RNF128: variants seen among roughly 807,000 people sequenced by gnomAD.
The protein encoded by RNF128 is ring finger protein 128.
A neutral mutation model predicts 26.2 loss-of-function variants in RNF128; 13 were observed. The observed-to-expected ratio is 0.50, with a 90% CI of 0.32 to 0.79. The LOEUF is 0.79. RNF128 is among the 30% of genes least tolerant of loss of function. The probability of loss-of-function intolerance (pLI) is 0.03; values close to 1 mark genes in which losing one functional copy is unlikely to be tolerated. For synonymous variants in RNF128, 149 were observed against 142.5 expected, an observed-to-expected ratio of 1.05 and a Z score of -0.32; for missense variants, 315 against 349.7, an observed-to-expected ratio of 0.90 and a Z score of 0.79.
intron 1 of RNF128, among the ~76,000 whole-genome samples, chrX:106,754,068 A>G (rs1929948964): frequency 1.8e-5 from 2 of 112,006 alleles, no homozygotes; most frequent in Non-Finnish European, 3.8e-5. Context: ...ACAAAGAAAT[A>G]TCACACTTAA....
intron 1 of RNF128, among the ~76,000 whole-genome samples, chrX:106,765,868 A>AC (rs1930218531): frequency 2.3e-4 from 6 of 26,406 alleles, no homozygotes; most frequent in Non-Finnish European, 4.5e-4. Context: ...TATCCCCCCC[A>AC]GCCCCCCACC....
At chrX:106,710,621 G>A (rs1929108712) in intron 1 of RNF128, among the ~76,000 whole-genome samples, 1 of 109,119 alleles carries the variant, frequency 9.2e-6, no homozygotes, top group Non-Finnish European at 1.9e-5. Context: ...GCAGGGCATG[G>A]TGGCAGGCGC....
chrX:106,706,656 C>A, intron 1 of RNF128, among the ~76,000 whole-genome samples: 1 of 111,833 alleles, frequency 8.9e-6, no homozygotes, highest in Non-Finnish European at 1.9e-5. Context: ...GAATTTCAGT[C>A]TTCTTATCTC....
intron 1 of RNF128, among the ~76,000 whole-genome samples, chrX:106,704,409 G>A (rs1439113905): frequency 2.0e-5 from 2 of 97,716 alleles, no homozygotes; most frequent in African/African-American, 7.6e-5. Context: ...TCCAGCCTGG[G>A]CGACAGAGCG....
intron 1 of RNF128, among the ~76,000 whole-genome samples, chrX:106,734,616 G>A (rs1171045873): frequency 9.0e-6 from 1 of 111,188 alleles, no homozygotes; most frequent in Non-Finnish European, 1.9e-5. Flanking sequence ...AAGTTCTATC[G>A]AAGTATAATA....
At chrX:106,706,517 A>G (rs1398740500) in intron 1 of RNF128, among the ~76,000 whole-genome samples, 2 of 112,032 alleles carry the variant, frequency 1.8e-5, no homozygotes, top group Non-Finnish European at 3.8e-5. Flanking sequence ...CATGGCTTCT[A>G]CCAGAAGCAG....
At chrX:106,726,429 G>A (rs1400940462), upstream of RNF128, among the ~76,000 whole-genome samples, 14 of 111,623 alleles carry the variant, frequency 1.3e-4, no homozygotes, top group African/African-American at 4.6e-4. Flanking sequence ...ATGTTAGGAG[G>A]GAAAAATGTA....
intron 6 of RNF128, among the ~76,000 whole-genome samples, chrX:106,794,053 T>G (rs1930873912): frequency 8.9e-6 from 1 of 111,863 alleles, no homozygotes; most frequent in South Asian, 3.7e-4. Flanking sequence ...ATTATTGAAG[T>G]ATTTACCAAA....
At chrX:106,765,978 C>T (rs1253737203) in intron 1 of RNF128, among the ~76,000 whole-genome samples, 2 of 102,673 alleles carry the variant, frequency 1.9e-5, no homozygotes, top group Admixed American at 1.2e-4. Flanking sequence ...GTTTGGTTTT[C>T]TGTCTTGGTG....
intron 6 of RNF128, among the ~76,000 whole-genome samples, chrX:106,792,996 T>C (rs952353370): frequency 1.2e-4 from 13 of 111,996 alleles, no homozygotes; most frequent in African/African-American, 3.9e-4. Context: ...TGCATAACTT[T>C]GTAAATACAC....
chrX:106,736,527 G>A (rs990524171), intron 1 of RNF128, among the ~76,000 whole-genome samples: 2 of 111,021 alleles, frequency 1.8e-5, no homozygotes, highest in Non-Finnish European at 3.8e-5. Flanking sequence ...TTCTTTTGAT[G>A]TAGTAGTAAA....
intron 1 of RNF128, among the ~76,000 whole-genome samples, chrX:106,769,128 T>C (rs1489462491): frequency 8.9e-6 from 1 of 112,049 alleles, no homozygotes; most frequent in Non-Finnish European, 1.9e-5. Context: ...AGTGTTTTAC[T>C]TCCAACTATG....
chrX:106,742,426 C>G (rs886664172), intron 1 of RNF128, among the ~76,000 whole-genome samples: 2 of 111,361 alleles, frequency 1.8e-5, no homozygotes, highest in East Asian at 5.7e-4. Context: ...ACTTGTTAAA[C>G]CTGCAGATTC....
At chrX:106,745,218 G>A (rs972677386) in intron 1 of RNF128, among the ~76,000 whole-genome samples, 4 of 111,309 alleles carry the variant, frequency 3.6e-5, no homozygotes, top group Non-Finnish European at 7.5e-5. Flanking sequence ...TTATCTAGAG[G>A]TGCAGGGCAG....
chrX:106,750,418 G>C (rs968176459), intron 1 of RNF128, among the ~76,000 whole-genome samples: 1 of 112,129 alleles, frequency 8.9e-6, no homozygotes, highest in Non-Finnish European at 1.9e-5. Flanking sequence ...TTACTAGCTT[G>C]TGTTACCCTA....
At chrX:106,719,417 C>A (rs1031319204) in intron 1 of RNF128, among the ~76,000 whole-genome samples, 3 of 111,462 alleles carry the variant, frequency 2.7e-5, no homozygotes, top group Non-Finnish European at 3.8e-5. Flanking sequence ...AATGGGGTTT[C>A]GCCATGTTGG....
chrX:106,705,688 C>T (rs1164036133), intron 1 of RNF128, among the ~76,000 whole-genome samples: 1 of 111,467 alleles, frequency 9.0e-6, no homozygotes, highest in Non-Finnish European at 1.9e-5. Flanking sequence ...TTTTTTTAGC[C>T]TCATATAGGA....
intron 1 of RNF128, among the ~76,000 whole-genome samples, chrX:106,771,053 G>A (rs1488340833): frequency 1.8e-5 from 2 of 112,231 alleles, no homozygotes; most frequent in Non-Finnish European, 3.8e-5. Context: ...TATCACCAGC[G>A]GAGGCTGCAG....
chrX:106,739,931 C>T (rs1929671848), intron 1 of RNF128, among the ~76,000 whole-genome samples: 1 of 111,178 alleles, frequency 9.0e-6, no homozygotes, highest in Non-Finnish European at 1.9e-5. Flanking sequence ...ACTCTTGCAC[C>T]CTTGGATTTT....
Sources: allele counts gnomAD v4.1 joint callset (sites outside exome capture counted in the v4.1 genomes callset), GRCh38; gene constraint gnomAD v4.1.1; transcripts MANE v1.5; gene names NCBI Gene and HGNC (gene_info 2026-07-23, HGNC 2026-07-21).